CEP83: variants seen among roughly 807,000 people sequenced by gnomAD.
CEP83 encodes centrosomal protein of 83 kDa.
Under a neutral mutation model 101.9 loss-of-function variants are expected in CEP83, and 70 were observed. The observed-to-expected ratio is 0.69, with a 90% confidence interval of 0.57 to 0.84. The LOEUF is 0.84. CEP83 is among the 40% of genes least tolerant of loss of function. The pLI is 0.00. For synonymous variants in CEP83, 264 were observed against 267.9 expected (o/e 0.99, Z 0.14); for missense variants, 715 against 787.2 (o/e 0.91, Z 1.10).
chr12:94,412,189 T>G (rs1038380185), intron 3 of CEP83, 129 bp downstream of exon 3: 11 of 671,430 alleles, frequency 1.6e-5, no homozygotes, highest in Non-Finnish European at 2.3e-5. Context: ...TTTTACTATA[T>G]TAAAAAAGTT....
the CEP83 span, among the ~76,000 whole-genome samples, chr12:94,269,914 A>G: frequency 1.3e-5 from 2 of 152,246 alleles, no homozygotes; most frequent in African/African-American, 4.8e-5. Context: ...GTCATGGAAA[A>G]TGAAAAATTA....
intron 15 of CEP83, chr12:94,312,608 A>C: frequency 1.0e-6 from 1 of 985,440 alleles, no homozygotes; most frequent in Non-Finnish European, 1.2e-6. Flanking sequence ...TTTCAGAACT[A>C]TGCAATAGCT....
At chr12:94,423,762 A>G (rs1382575399) in intron 2 of CEP83, 2 of 1,613,412 alleles carry the variant, frequency 1.2e-6, no homozygotes, top group African/African-American at 2.7e-5. Flanking sequence ...TGAACTGGAA[A>G]GAATAGACCC....
chr12:94,365,173 C>CA (rs1199892943), intron 11 of CEP83, among the ~76,000 whole-genome samples: 1 of 151,330 alleles, frequency 6.6e-6, no homozygotes, highest in Non-Finnish European at 1.5e-5. Flanking sequence ...GAAAAAAGGC[C>CA]AAAAAAACCA....
At chr12:94,320,649 G>A (rs1471999374) in intron 14 of CEP83, among the ~76,000 whole-genome samples, 4 of 152,100 alleles carry the variant, frequency 2.6e-5, no homozygotes, top group Non-Finnish European at 5.9e-5. Context: ...CTCCTTTGTC[G>A]AGGAAGGTTA....
At chr12:94,317,468 TTCA>T (rs1249061052) in intron 14 of CEP83, among the ~76,000 whole-genome samples, 2 of 152,218 alleles carry the variant, frequency 1.3e-5, no homozygotes, top group Non-Finnish European at 1.5e-5. Context: ...TTTTGGCATC[TTCA>T]TCATGAAATC....
intron 14 of CEP83, among the ~76,000 whole-genome samples, chr12:94,324,471 T>G (rs1433677393): frequency 6.6e-6 from 1 of 152,254 alleles, no homozygotes; most frequent in East Asian, 1.9e-4. Flanking sequence ...TATCTATAGA[T>G]AGATATCCCT....
chr12:94,270,441 T>C, the CEP83 span, among the ~76,000 whole-genome samples: 1 of 152,198 alleles, frequency 6.6e-6, no homozygotes, highest in Non-Finnish European at 1.5e-5. Context: ...CTTGACATAG[T>C]AGAGAATAGG....
At chr12:94,273,483 C>T in the CEP83 span, among the ~76,000 whole-genome samples, 4 of 152,238 alleles carry the variant, frequency 2.6e-5, no homozygotes, top group Admixed American at 1.3e-4. Context: ...CAGCTCTTTG[C>T]GACCCAATTC....
chr12:94,329,746 C>T (rs759292647), intron 14 of CEP83, among the ~76,000 whole-genome samples: 2 of 152,150 alleles, frequency 1.3e-5, no homozygotes, highest in Non-Finnish European at 2.9e-5. Context: ...AAACAATCCT[C>T]TGAAATCCCA....
chr12:94,291,466 A>G, the CEP83 span, among the ~76,000 whole-genome samples: 3 of 152,172 alleles, frequency 2.0e-5, no homozygotes, highest in Non-Finnish European at 4.4e-5. Context: ...CCTAGGATCA[A>G]GCAATCCTAC....
intron 6 of CEP83, among the ~76,000 whole-genome samples, chr12:94,395,738 A>G (rs2062846455): frequency 6.6e-6 from 1 of 152,144 alleles, no homozygotes; most frequent in South Asian, 2.1e-4. Context: ...GGAGAATGGC[A>G]TGAACCCAGA....
chr12:94,325,224 T>A (rs900286214), intron 14 of CEP83, among the ~76,000 whole-genome samples: 1 of 151,540 alleles, frequency 6.6e-6, no homozygotes, highest in Non-Finnish European at 1.5e-5. Context: ...CAGGCTGGAA[T>A]GTGCTGCCAC....
the CEP83 span, among the ~76,000 whole-genome samples, chr12:94,300,397 T>TGAGG: frequency 6.6e-6 from 1 of 152,080 alleles, no homozygotes; most frequent in African/African-American, 2.4e-5. Context: ...GCACAAGTTG[T>TGAGG]GAGGCACGTG....
intron 1 of CEP83, among the ~76,000 whole-genome samples, chr12:94,458,876 T>C (rs901939235): frequency 6.6e-6 from 1 of 152,226 alleles, no homozygotes; most frequent in Non-Finnish European, 1.5e-5. Flanking sequence ...CAGGTAACTG[T>C]AGGATAGATA....
intron 11 of CEP83, among the ~76,000 whole-genome samples, chr12:94,337,113 A>G (rs1392061147): frequency 6.6e-6 from 1 of 152,230 alleles, no homozygotes; most frequent in Non-Finnish European, 1.5e-5. Flanking sequence ...GTAAATTAAC[A>G]AGAAACATGA....
chr12:94,333,518 C>G lies in CEP83; in HGVS notation c.1541G>C (p.Arg514Thr). 1 of 1,613,490 alleles carries G rather than the reference C, an allele frequency of 6.2e-7. No individual in the cohort carries two copies. The change falls in exon 13 of 17, where the codon AGA (arginine) becomes ACA (threonine). Residue 514 changes from arginine (R) to threonine (T), a missense_variant. Coordinates refer to ENST00000397809, the MANE Select transcript of CEP83 (RefSeq NM_016122.3). ...ERLKQECRNF[R>T]SQAEKAQLEA... is the part of the protein sequence containing the mutation. ...TAGTTGCGCTTTTTCAGCTTGGCTTCTAAAATTTCGGCATTCTTGTTTTAA... is the reference window on the plus strand; with the variant it reads ...TAGTTGCGCTTTTTCAGCTTGGCTTGTAAAATTTCGGCATTCTTGTTTTAA...
intron 15 of CEP83, chr12:94,312,427 TATA>T (rs1267429059): frequency 8.5e-6 from 2 of 233,938 alleles, no homozygotes; most frequent in Non-Finnish European, 1.4e-5. Flanking sequence ...AAATGTGTCA[TATA>T]ATGCCACTAC....
intron 14 of CEP83, among the ~76,000 whole-genome samples, chr12:94,324,139 T>C (rs2058866441): frequency 6.6e-6 from 1 of 152,214 alleles, no homozygotes; most frequent in Admixed American, 6.5e-5. Context: ...TTCTATCAGG[T>C]TCTAATCTCA....
Sources: gnomAD v4.1 joint callset for allele counts (sites outside exome capture counted in the v4.1 genomes callset) on GRCh38, gnomAD v4.1.1 for gene constraint, MANE v1.5 for transcripts, NCBI Gene and HGNC (gene_info 2026-07-23, HGNC 2026-07-21) for gene names.